OPCML: variants seen among roughly 807,000 people sequenced by gnomAD.
OPCML encodes the protein opioid binding protein/cell adhesion molecule like, also known as opioid-binding protein/cell adhesion molecule.
OPCML carries 13 observed loss-of-function variants against 37.8 expected under a neutral mutation model. The ratio of observed to expected loss-of-function variants is 0.34; its 90% CI spans 0.22 to 0.55. The LOEUF (loss-of-function observed/expected upper bound fraction) is 0.55. Ranked by LOEUF, OPCML falls within the 20% of genes least tolerant of loss-of-function variation. The pLI is 0.91. For synonymous variants in OPCML, 176 were observed against 168.8 expected (o/e 1.04, Z -0.33); for missense variants, 341 against 435.6 (o/e 0.78, Z 1.93).
chr11:133,531,744 GGAGAGAGAGA>G (rs10567773), intron 1 of OPCML, among the ~76,000 whole-genome samples: 26 of 137,252 alleles, frequency 1.9e-4, no homozygotes, highest in African/African-American at 5.2e-4. Context: ...AGGTGGAGAG[GGAGAGAGAGA>G]GAGAGAGAGA....
chr11:132,848,230 T>C (rs1238652250), intron 2 of OPCML, among the ~76,000 whole-genome samples: 1 of 152,210 alleles, frequency 6.6e-6, no homozygotes, highest in Non-Finnish European at 1.5e-5. Context: ...TACTTATGCC[T>C]GTAAAAAATT....
At chr11:133,386,832 G>C (rs749464523) in intron 1 of OPCML, among the ~76,000 whole-genome samples, 2 of 152,188 alleles carry the variant, frequency 1.3e-5, no homozygotes, top group Non-Finnish European at 2.9e-5. Context: ...TGGCAGTCCA[G>C]CCCCACACGG....
intron 1 of OPCML, among the ~76,000 whole-genome samples, chr11:133,257,203 G>A (rs1008996406): frequency 6.6e-6 from 1 of 152,212 alleles, no homozygotes; most frequent in Non-Finnish European, 1.5e-5. Flanking sequence ...TATGAAAGAA[G>A]CATTTAGAAT....
intron 1 of OPCML, among the ~76,000 whole-genome samples, chr11:133,146,998 C>G (rs553084519): frequency 4.6e-5 from 7 of 152,316 alleles, no homozygotes; most frequent in Non-Finnish European, 1.0e-4. Flanking sequence ...CTGCAGGAGA[C>G]TCCAATGAAT....
intron 1 of OPCML, among the ~76,000 whole-genome samples, chr11:132,963,885 G>A (rs182841046): frequency 6.6e-6 from 1 of 152,152 alleles, no homozygotes; most frequent in Admixed American, 6.5e-5. Context: ...AGATTTCAGG[G>A]CCACCAGCTG....
At chr11:132,867,169 A>T (rs1267073171) in intron 2 of OPCML, among the ~76,000 whole-genome samples, 1 of 152,216 alleles carries the variant, frequency 6.6e-6, no homozygotes, top group Non-Finnish European at 1.5e-5. Flanking sequence ...TTCAGTAATA[A>T]TCTGAATGTT....
At chr11:132,930,976 A>G (rs531222471) in intron 2 of OPCML, among the ~76,000 whole-genome samples, 30 of 152,338 alleles carry the variant, frequency 2.0e-4, no homozygotes, top group African/African-American at 7.0e-4. Context: ...CATACAGACC[A>G]ATGGAATGAA....
chr11:133,032,171 G>C (rs1335158426), intron 1 of OPCML, among the ~76,000 whole-genome samples: 1 of 152,150 alleles, frequency 6.6e-6, no homozygotes, highest in Non-Finnish European at 1.5e-5. Flanking sequence ...GGTGGGGCTA[G>C]CCCTTCTCTA....
At chr11:132,733,024 T>C (rs1003741371) in intron 2 of OPCML, among the ~76,000 whole-genome samples, 3 of 152,160 alleles carry the variant, frequency 2.0e-5, no homozygotes, top group Non-Finnish European at 4.4e-5. Context: ...AGGTGGTGAG[T>C]GAAGGCTTTT....
chr11:132,448,817 A>G (rs1021408799), intron 4 of OPCML, among the ~76,000 whole-genome samples: 2 of 152,226 alleles, frequency 1.3e-5, no homozygotes, highest in Admixed American at 1.3e-4. Context: ...CAGTTTTGTC[A>G]CAAATATGTG....
chr11:133,408,667 C>T (rs972661466), intron 1 of OPCML, among the ~76,000 whole-genome samples: 1 of 152,012 alleles, frequency 6.6e-6, no homozygotes, highest in African/African-American at 2.4e-5. Context: ...CAGACTGGGG[C>T]CTTGTACACA....
chr11:132,452,203 G>C (rs1033236431), intron 4 of OPCML, among the ~76,000 whole-genome samples: 13 of 152,116 alleles, frequency 8.5e-5, no homozygotes, highest in Middle Eastern at 3.2e-3. Flanking sequence ...TGTGTCATGG[G>C]GTCTAAAGCA....
chr11:133,071,722 G>A (rs1948539835), intron 1 of OPCML, among the ~76,000 whole-genome samples: 1 of 152,084 alleles, frequency 6.6e-6, no homozygotes, highest in African/African-American at 2.4e-5. Flanking sequence ...GAGAGTTTTA[G>A]GCCCTTTTAT....
chr11:132,815,247 C>T (rs1274585922), intron 2 of OPCML, among the ~76,000 whole-genome samples: 1 of 152,154 alleles, frequency 6.6e-6, no homozygotes, highest in African/African-American at 2.4e-5. Flanking sequence ...CCTACCTGGA[C>T]TTTTAAGTCT....
intron 1 of OPCML, among the ~76,000 whole-genome samples, chr11:132,994,237 C>T (rs1248163810): frequency 1.3e-5 from 2 of 152,168 alleles, no homozygotes; most frequent in Non-Finnish European, 2.9e-5. Flanking sequence ...CAGGAGCCGG[C>T]GCGCGCGGGA....
Position 133,477,865 on chromosome 11 carries a change from C to T in OPCML, c.61+54399G>A, listed in dbSNP as rs554094746. Among the ~76,000 whole-genome samples, 40 of 152,220 alleles carry T rather than the reference C, an allele frequency of 2.6e-4. No individual in the cohort carries two copies. The South Asian group carries it at 7.0e-3, about 27-fold the overall frequency. On this transcript the variant is annotated intron_variant, in intron 1 of 7. Coordinates refer to ENST00000524381, the MANE Select transcript of OPCML (RefSeq NM_001012393.5). ...AGACAGTGATAACTTGAAATACTTACGTAGGGGTAACCAAAGACGAGATTT... is the reference window on the plus strand; with the variant it reads ...AGACAGTGATAACTTGAAATACTTATGTAGGGGTAACCAAAGACGAGATTT...
At chr11:132,860,645 G>A (rs1231136622) in intron 2 of OPCML, 3 of 152,074 alleles carry the variant, frequency 2.0e-5, no homozygotes, top group Non-Finnish European at 4.4e-5. Context: ...AACTCAAACT[G>A]GAGGGACTGA....
At chr11:132,573,717 G>T (rs1240516404) in intron 3 of OPCML, among the ~76,000 whole-genome samples, 1 of 151,922 alleles carries the variant, frequency 6.6e-6, no homozygotes, top group Non-Finnish European at 1.5e-5. Context: ...TTATTTGTCT[G>T]CTTTAGTATC....
chr11:133,426,740 C>T (rs1328689678), intron 1 of OPCML, among the ~76,000 whole-genome samples: 1 of 152,146 alleles, frequency 6.6e-6, no homozygotes, highest in Non-Finnish European at 1.5e-5. Context: ...CCTGGTCTCT[C>T]CCTTCACACG....
Sources: gnomAD v4.1 joint callset for allele counts (sites outside exome capture counted in the v4.1 genomes callset) on GRCh38, gnomAD v4.1.1 for gene constraint, MANE v1.5 for transcripts, NCBI Gene and HGNC (gene_info 2026-07-23, HGNC 2026-07-21) for gene names.